Variants in CACNA2D3 observed in about 807,000 individuals in gnomAD.
CACNA2D3 encodes voltage-dependent calcium channel subunit alpha-2/delta-3.
In CACNA2D3, 60 loss-of-function variants were observed where a neutral mutation model predicts 160.6. That is an observed-to-expected ratio of 0.37 (90% confidence interval 0.30 to 0.46). CACNA2D3 has a LOEUF of 0.46. CACNA2D3 is among the 20% of genes least tolerant of loss of function. The pLI, the probability that CACNA2D3 is intolerant of heterozygous loss-of-function variation, is 1.00. For missense variants in CACNA2D3, 1,205 were observed against 1,365.0 expected (o/e 0.88, Z 1.85); for synonymous variants, 558 against 492.9 (o/e 1.13, Z -1.75).
At chr3:54,445,071 C>CA (rs1441970530) in intron 4 of CACNA2D3, among the ~76,000 whole-genome samples, 1 of 152,308 alleles carries the variant, frequency 6.6e-6, no homozygotes, top group East Asian at 1.9e-4. Flanking sequence ...CTGTAACAGG[C>CA]AGGTAGCAGA....
At chr3:54,862,249 A>G (rs1056991128) in intron 17 of CACNA2D3, among the ~76,000 whole-genome samples, 2 of 152,214 alleles carry the variant, frequency 1.3e-5, no homozygotes, top group African/African-American at 4.8e-5. Flanking sequence ...AATTTCTTTC[A>G]TGGAAAAGGT....
At chr3:54,266,541 A>G (rs1702520345) in intron 2 of CACNA2D3, among the ~76,000 whole-genome samples, 1 of 152,156 alleles carries the variant, frequency 6.6e-6, no homozygotes, top group Non-Finnish European at 1.5e-5. Context: ...TAGGAACGCA[A>G]GCCCTGACCT....
chr3:54,683,742 C>G (rs996005480), intron 11 of CACNA2D3, among the ~76,000 whole-genome samples: 6 of 152,096 alleles, frequency 3.9e-5, no homozygotes, highest in Non-Finnish European at 7.4e-5. Context: ...GACATTTATT[C>G]TCTCACAGTT....
intron 9 of CACNA2D3, among the ~76,000 whole-genome samples, chr3:54,609,041 C>A (rs1325359725): frequency 6.6e-6 from 1 of 152,202 alleles, no homozygotes; most frequent in African/African-American, 2.4e-5. Flanking sequence ...GTCCCCCCAA[C>A]AACTGTGTGT....
At chr3:54,961,511 A>G (rs1347423958) in intron 27 of CACNA2D3, among the ~76,000 whole-genome samples, 2 of 152,204 alleles carry the variant, frequency 1.3e-5, no homozygotes, top group African/African-American at 4.8e-5. Context: ...CTATTAGGAG[A>G]AAATCTTCTG....
chr3:54,671,561 C>T (rs902019017), intron 11 of CACNA2D3, among the ~76,000 whole-genome samples: 1 of 152,060 alleles, frequency 6.6e-6, no homozygotes, highest in South Asian at 2.1e-4. Context: ...CCTCAGCTAC[C>T]CTCCTATTTA....
At position 54,337,809 on chromosome 3, in the gene CACNA2D3, A is replaced by G. The variant is rs946547996; in HGVS notation, c.321+17251A>G. ...GCTATATAACATTGGCATTCCATGT[A>G]TATGTCTTCAAAGTGATTTATCAGA... On this transcript the variant is annotated intron_variant, in intron 3 of 37. Coordinates refer to ENST00000474759, the MANE Select transcript of CACNA2D3 (RefSeq NM_018398.3). Among the ~76,000 whole-genome samples the G allele has an allele frequency of 5.9e-5, 9 of 152,300 alleles. 1 individual carries two copies. Among genetic ancestry groups the G allele is most frequent in the Middle Eastern group, 6.8e-3 (2 of 294 alleles).
chr3:54,844,299 A>ACTT (rs1215874014), intron 16 of CACNA2D3, among the ~76,000 whole-genome samples: 2 of 152,144 alleles, frequency 1.3e-5, no homozygotes, highest in Non-Finnish European at 2.9e-5. Flanking sequence ...GCCCCTGGCA[A>ACTT]CCGTAGAGAA....
intron 11 of CACNA2D3, among the ~76,000 whole-genome samples, chr3:54,665,440 A>G (rs1006531276): frequency 5.9e-5 from 9 of 152,238 alleles, no homozygotes; most frequent in Non-Finnish European, 1.0e-4. Flanking sequence ...CTCAATGAAC[A>G]AAGCTTTATT....
chr3:54,550,347 C>T (rs1044845698), intron 5 of CACNA2D3, among the ~76,000 whole-genome samples: 4 of 152,184 alleles, frequency 2.6e-5, no homozygotes, highest in African/African-American at 9.6e-5. Flanking sequence ...TTCCCTCATC[C>T]TCCAGAAATA....
rs184964444 is a variant in CACNA2D3, at chr3:54,859,562, G to A, written c.1627-11977G>A. ...CTCTCCTAGAGATGGAGTCTACCCC[G>A]TGCCTGCCCCAGTGGCCCCCTCCCT... On this transcript the variant is annotated intron_variant, in intron 17 of 37. Transcript: ENST00000474759. Among the ~76,000 whole-genome samples, 727 of 152,246 alleles carry A rather than the reference G, an allele frequency of 4.8e-3. 1 individual carries two copies. The highest frequency in any genetic ancestry group is 6.5e-3 in the Non-Finnish European group (445 of 68,006).
chr3:54,317,611 C>T (rs540315061), intron 2 of CACNA2D3, among the ~76,000 whole-genome samples: 1 of 152,198 alleles, frequency 6.6e-6, no homozygotes, highest in Non-Finnish European at 1.5e-5. Flanking sequence ...GATCGCGGCT[C>T]ACTGCAATAT....
At chr3:54,736,604 C>G (rs1010431368) in intron 11 of CACNA2D3, among the ~76,000 whole-genome samples, 5 of 152,128 alleles carry the variant, frequency 3.3e-5, no homozygotes, top group Non-Finnish European at 7.4e-5. Flanking sequence ...AGGCAAAAAA[C>G]AAACAAAAAT....
At chr3:54,555,954 T>C (rs1702235603) in intron 5 of CACNA2D3, among the ~76,000 whole-genome samples, 1 of 152,070 alleles carries the variant, frequency 6.6e-6, no homozygotes, top group African/African-American at 2.4e-5. Context: ...CTTAGGAAAA[T>C]ATAACATGAA....
chr3:54,410,362 G>GA (rs201002145), intron 4 of CACNA2D3, among the ~76,000 whole-genome samples: 78 of 146,646 alleles, frequency 5.3e-4, no homozygotes, highest in Admixed American at 1.2e-3. Flanking sequence ...CCAGGAAAAA[G>GA]AAAAAAAAAA....
intron 11 of CACNA2D3, among the ~76,000 whole-genome samples, chr3:54,660,775 C>T (rs570058350): frequency 2.0e-5 from 3 of 152,318 alleles, no homozygotes; most frequent in South Asian, 4.1e-4. Flanking sequence ...ACCCTTCTCT[C>T]GGCCCAGAGC....
At position 54,871,635 on chromosome 3, in the gene CACNA2D3, T is replaced by C. The variant is rs1699536653; in HGVS notation, c.1710+13T>C. The C allele has an allele frequency of 1.3e-6, 2 of 1,595,354 alleles. No individual in the cohort carries two copies. The highest frequency in any genetic ancestry group is 1.7e-5 in the Admixed American group (1 of 59,944). ...CCGAGATGACGTGGTAAGTGATTTGTTTTCAGGCCTCGTGGAGAAGGACCT... is the reference window on the plus strand; with the variant it reads ...CCGAGATGACGTGGTAAGTGATTTGCTTTCAGGCCTCGTGGAGAAGGACCT... On this transcript the variant is annotated intron_variant, in intron 18 of 37. Coordinates refer to ENST00000474759, the MANE Select transcript of CACNA2D3 (RefSeq NM_018398.3).
intron 33 of CACNA2D3, among the ~76,000 whole-genome samples, chr3:55,008,851 T>C (rs1703150235): frequency 1.3e-5 from 2 of 149,720 alleles, no homozygotes. Context: ...CATTGTGACA[T>C]AATTTCATAG....
chr3:54,785,677 T>C (rs1217754142), intron 13 of CACNA2D3, among the ~76,000 whole-genome samples: 1 of 152,202 alleles, frequency 6.6e-6, no homozygotes, highest in Non-Finnish European at 1.5e-5. Context: ...TGTCTTATTG[T>C]ACAGAAATGT....
Sources: gnomAD v4.1 joint callset for allele counts (sites outside exome capture counted in the v4.1 genomes callset) on GRCh38, gnomAD v4.1.1 for gene constraint, MANE v1.5 for transcripts, NCBI Gene and HGNC (gene_info 2026-07-23, HGNC 2026-07-21) for gene names.